The following BAZ1A variants were observed in gnomAD, a reference collection of about 807,000 sequenced individuals.
BAZ1A encodes bromodomain adjacent to zinc finger domain protein 1A.
In BAZ1A, 50 loss-of-function variants were observed where a neutral mutation model predicts 185.2. That is an observed-to-expected ratio of 0.27 (90% CI 0.22 to 0.34). The LOEUF (loss-of-function observed/expected upper bound fraction) is 0.34, where lower values mean the gene tolerates loss of function less well. BAZ1A is among the 10% of genes least tolerant of loss of function. The probability of loss-of-function intolerance (pLI) is 1.00; values close to 1 mark genes in which losing one functional copy is unlikely to be tolerated. For synonymous variants in BAZ1A, 571 were observed against 615.6 expected, an observed-to-expected ratio of 0.93 and a Z score of 1.07; for missense variants, 1,356 against 1,839.9, an observed-to-expected ratio of 0.74 and a Z score of 4.81.
intron 3 of BAZ1A, among the ~76,000 whole-genome samples, chr14:34,856,998 T>C (rs2042691576): frequency 6.6e-6 from 1 of 151,306 alleles, no homozygotes; most frequent in Non-Finnish European, 1.5e-5. Flanking sequence ...CTGAGGCTTC[T>C]GCATCTTTTT....
chr14:34,853,800 A>G (rs1052023205), intron 3 of BAZ1A, among the ~76,000 whole-genome samples: 3 of 152,166 alleles, frequency 2.0e-5, no homozygotes, highest in East Asian at 1.9e-4. Context: ...GATAAAAGAC[A>G]AGGGGAGATA....
At position 34,776,440 on chromosome 14, in the gene BAZ1A, G is replaced by C. The variant is rs2138587866; in HGVS notation, c.2312C>G (p.Thr771Ser). 1 of 1,613,972 alleles carries C rather than the reference G, an allele frequency of 6.2e-7. No homozygotes were observed. The highest frequency in any genetic ancestry group is 1.6e-4 in the Middle Eastern group (1 of 6,062). ...TTTTAATGCTTCTTCCTCATCAGCA[G>C]TAAGAGGCTCTCTTGTTACACAGTT... ...QINCVTREPL[T>S]ADEEEALKQE... is the part of the protein sequence containing the mutation. Residue 771 changes from threonine to serine, a missense_variant, in exon 18 of 27, where the codon ACT becomes AGT. This residue lies in a region of BAZ1A where 434 missense variants were observed against 561.7 expected (regional missense o/e 0.77). Transcript: ENST00000360310.
intron 3 of BAZ1A, among the ~76,000 whole-genome samples, chr14:34,844,914 G>A (rs527429278): frequency 6.6e-6 from 1 of 152,130 alleles, no homozygotes; most frequent in South Asian, 2.1e-4. Context: ...AGACTATTTT[G>A]TGATATGTAA....
intron 3 of BAZ1A, among the ~76,000 whole-genome samples, chr14:34,833,186 G>A (rs936161054): frequency 2.6e-5 from 4 of 151,974 alleles, no homozygotes; most frequent in Admixed American, 6.6e-5. Flanking sequence ...AGGCTGCAGC[G>A]CACCACTACA....
In BAZ1A at chr14:34,773,622, G is replaced by A. The variant is rs2275145; in HGVS notation, c.3102C>T (p.Asp1034=). The A allele has an allele frequency of 0.51, 828,209 of 1,609,486 alleles. 214,161 individuals are homozygous for A. The highest frequency in any genetic ancestry group is 0.58 in the South Asian group (52,547 of 90,912). ...GTTCATCAATTTCCATCTCTTCTAC[G>A]TCTTCATTCACAGTTTTAATTATCC... ...ENGIIKTVNE[D]VEEMEIDEQT... is the part of the protein sequence containing the mutation. The change falls in exon 20 of 27, where the codon GAC becomes GAT. Residue 1034 remains aspartate (D), a synonymous_variant. Transcript: ENST00000360310.
At chr14:34,820,349 C>T (rs990980093) in intron 4 of BAZ1A, among the ~76,000 whole-genome samples, 3 of 152,054 alleles carry the variant, frequency 2.0e-5, no homozygotes, top group Non-Finnish European at 4.4e-5. Context: ...CCAGGCTGGT[C>T]TCAAACTCCT....
intron 4 of BAZ1A, among the ~76,000 whole-genome samples, chr14:34,825,201 C>T (rs1294762874): frequency 6.6e-6 from 1 of 152,094 alleles, no homozygotes; most frequent in Non-Finnish European, 1.5e-5. Flanking sequence ...CGCCTGTAAT[C>T]CCAACATTTT....
chr14:34,843,731 A>C (rs1026951564), intron 3 of BAZ1A, among the ~76,000 whole-genome samples: 1 of 152,166 alleles, frequency 6.6e-6, no homozygotes, highest in Non-Finnish European at 1.5e-5. Flanking sequence ...AAAACTAGCA[A>C]GTCAGTTTGG....
At chr14:34,765,862 A>G (rs1378970496) in intron 21 of BAZ1A, among the ~76,000 whole-genome samples, 1 of 152,184 alleles carries the variant, frequency 6.6e-6, no homozygotes, top group Non-Finnish European at 1.5e-5. Flanking sequence ...CTATCAATCA[A>G]TAGTCATTTT....
chr14:34,779,181 C>T (rs1879874071), intron 17 of BAZ1A, among the ~76,000 whole-genome samples: 1 of 152,142 alleles, frequency 6.6e-6, no homozygotes, highest in South Asian at 2.1e-4. Context: ...TTAATTTCTA[C>T]TCTAATGTAT....
chr14:34,779,306 C>T (rs1181985538), intron 17 of BAZ1A, among the ~76,000 whole-genome samples: 1 of 152,160 alleles, frequency 6.6e-6, no homozygotes, highest in African/African-American at 2.4e-5. Context: ...ATACATTTTC[C>T]CCTAAGTAGA....
chr14:34,768,768 A>G (rs1250089321), intron 21 of BAZ1A: 2 of 426,502 alleles, frequency 4.7e-6, no homozygotes, highest in Non-Finnish European at 4.6e-6. Context: ...ATCCTTATTA[A>G]TTTCTGTTTT....
chr14:34,768,310 A>G (rs1878985531), intron 21 of BAZ1A, among the ~76,000 whole-genome samples: 1 of 152,186 alleles, frequency 6.6e-6, no homozygotes, highest in Admixed American at 6.5e-5. Context: ...GACAAAACAT[A>G]AAAACTCTTG....
In BAZ1A at chr14:34,798,042, C is replaced by A. The variant is rs557753686; in HGVS notation, c.1128+2182G>T. 3.5e-3 allele frequency among the ~76,000 whole-genome samples: 532 copies of A among 152,380 alleles called. 3 individuals carry two copies. The highest frequency in any genetic ancestry group is 0.012 in the African/African-American group (507 of 41,596). On this transcript the variant is annotated intron_variant, in intron 9 of 26. Transcript: ENST00000360310. ...ATATCCCGTGCCTGGCTCAGCGGGT[C>A]CCATGCCCACAAAGCCTTGCTCACT...
intron 6 of BAZ1A, among the ~76,000 whole-genome samples, chr14:34,805,130 T>C (rs548830991): frequency 1.3e-5 from 2 of 152,312 alleles, no homozygotes; most frequent in South Asian, 2.1e-4. Flanking sequence ...CTTTCCGCCA[T>C]GATTGTAGGT....
chr14:34,821,430 C>A (rs1483726113), intron 4 of BAZ1A, among the ~76,000 whole-genome samples: 1 of 152,152 alleles, frequency 6.6e-6, no homozygotes, highest in African/African-American at 2.4e-5. Flanking sequence ...AAACAACCTA[C>A]TAAAACATGA....
intron 6 of BAZ1A, among the ~76,000 whole-genome samples, chr14:34,806,065 A>C (rs2138666904): frequency 6.6e-6 from 1 of 151,410 alleles, no homozygotes; most frequent in African/African-American, 2.4e-5. Flanking sequence ...AATTTGTTTC[A>C]TTTCTTTTGA....
intron 14 of BAZ1A, among the ~76,000 whole-genome samples, chr14:34,785,157 T>C (rs1880356785): frequency 6.6e-6 from 1 of 152,186 alleles, no homozygotes; most frequent in Admixed American, 6.5e-5. Flanking sequence ...TTCCCAGCCC[T>C]CAAGTTTTAA....
rs958159868 is a variant in BAZ1A at position 34,776,182 on chromosome 14, G to A, written c.2570C>T (p.Thr857Ile). The change falls in exon 18 of 27, where the codon ACT becomes ATT. Residue 857 changes from threonine to isoleucine, a missense_variant. Coordinates refer to ENST00000360310, the MANE Select transcript of BAZ1A (RefSeq NM_013448.3). Reference protein sequence around the residue: ...NVQSQDPQVSTKTGEPLMSES... With the variant: ...NVQSQDPQVSIKTGEPLMSES... ...AGACATCAAAGGCTCTCCAGTTTTA[G>A]TGGATACCTGAGGATCTTGAGACTG... 3.7e-6 allele frequency: 6 copies of A among 1,614,188 alleles called. No homozygotes were observed. Among genetic ancestry groups the A allele is most frequent in the Non-Finnish European group, 5.1e-6 (6 of 1,180,032 alleles).
Sources: allele counts gnomAD v4.1 joint callset (sites outside exome capture counted in the v4.1 genomes callset), GRCh38; gene constraint gnomAD v4.1.1; regional missense constraint gnomAD v4.1.1; transcripts MANE v1.5; gene names NCBI Gene and HGNC (gene_info 2026-07-23, HGNC 2026-07-21).